The following TENM3 variants were observed in gnomAD, a reference collection of about 807,000 sequenced individuals.
The protein encoded by TENM3 is teneurin-3.
Under a neutral mutation model 255.1 loss-of-function variants are expected in TENM3, and 63 were observed. The ratio of observed to expected loss-of-function variants is 0.25; its 90% CI spans 0.20 to 0.30. TENM3 has a LOEUF of 0.30. Ranked by LOEUF, TENM3 falls within the 10% of genes least tolerant of loss-of-function variation. TENM3 has a pLI of 1.00. For missense variants in TENM3, 2,929 were observed against 3,461.1 expected (o/e 0.85, Z 3.86); for synonymous variants, 1,306 against 1,322.3 (o/e 0.99, Z 0.27).
chr4:182,551,377 T>C (rs1741994553), intron 3 of TENM3, among the ~76,000 whole-genome samples: 1 of 152,168 alleles, frequency 6.6e-6, no homozygotes. Flanking sequence ...TCCATGTTAA[T>C]AAACAGTTTT....
chr4:182,154,759 T>G (rs1339884070), intron 1 of TENM3, among the ~76,000 whole-genome samples: 1 of 152,138 alleles, frequency 6.6e-6, no homozygotes, highest in Non-Finnish European at 1.5e-5. Context: ...TAGTGACATA[T>G]AAAAATGAAG....
intron 1 of TENM3, among the ~76,000 whole-genome samples, chr4:182,214,707 A>G (rs898397920): frequency 2.0e-5 from 3 of 152,058 alleles, no homozygotes; most frequent in Non-Finnish European, 4.4e-5. Context: ...AAGTCTGGGT[A>G]ATTCTCTCCA....
the TENM3 span, among the ~76,000 whole-genome samples, chr4:181,455,471 C>G: frequency 1.8e-4 from 28 of 152,012 alleles, no homozygotes; most frequent in African/African-American, 6.8e-4. Flanking sequence ...ATGAACTCCT[C>G]TAAACACATA....
chr4:182,637,062 C>T (rs945809871), intron 5 of TENM3, among the ~76,000 whole-genome samples: 8 of 152,032 alleles, frequency 5.3e-5, no homozygotes, highest in Middle Eastern at 3.4e-3. Flanking sequence ...GTACTAACAG[C>T]GGCATATTCA....
At chr4:182,523,936 C>G (rs146983240) in intron 3 of TENM3, among the ~76,000 whole-genome samples, 208 of 152,224 alleles carry the variant, frequency 1.4e-3, no homozygotes, top group African/African-American at 4.8e-3. Context: ...TATTTACTTT[C>G]CTCATATGTA....
chr4:182,396,927 C>A (rs6847709), intron 3 of TENM3, among the ~76,000 whole-genome samples: 125,767 of 151,826 alleles, frequency 0.83, 52,106 homozygotes, highest in Admixed American at 0.87. Flanking sequence ...GCACCACTGC[C>A]CTCCAACCTA....
intron 3 of TENM3, among the ~76,000 whole-genome samples, chr4:182,564,581 G>T (rs200018952): frequency 2.8e-4 from 38 of 137,374 alleles, no homozygotes; most frequent in African/African-American, 7.0e-4. Flanking sequence ...TTTTTGTTTT[G>T]TTTTTTTTTT....
chr4:182,548,986 A>G (rs1232760829), intron 3 of TENM3, among the ~76,000 whole-genome samples: 1 of 152,256 alleles, frequency 6.6e-6, no homozygotes, highest in Non-Finnish European at 1.5e-5. Flanking sequence ...ACCAAATGGA[A>G]AACAGAGATG....
chr4:182,688,233 C>T lies in TENM3; in HGVS notation c.2103C>T (p.Gly701=), dbSNP rs1030988999. ...GGGGGACGTGTCGCTGTGAAGAAGG[C>T]TGGACGGGCCCAGCCTGTAATCAGA... ...CMGGTCRCEE[G]WTGPACNQRA... Residue 701 remains glycine, a synonymous_variant, in exon 12 of 28, where the codon GGC becomes GGT. Transcript: ENST00000511685. 1.9e-6 allele frequency: 3 copies of T among 1,613,924 alleles called. No homozygotes were observed. Among genetic ancestry groups the T allele is most frequent in the Non-Finnish European group, 2.5e-6 (3 of 1,179,862 alleles).
the TENM3 span, among the ~76,000 whole-genome samples, chr4:181,642,430 C>T: frequency 1.3e-5 from 2 of 152,200 alleles, no homozygotes; most frequent in East Asian, 3.9e-4. Flanking sequence ...TGCCTGTTCA[C>T]TCTGATGGTA....
the TENM3 span, among the ~76,000 whole-genome samples, chr4:182,027,458 CT>C: frequency 2.0e-5 from 3 of 151,648 alleles, no homozygotes; most frequent in South Asian, 2.1e-4. Flanking sequence ...TTTGAATGCC[CT>C]TTTTTTTCCT....
chr4:182,304,463 C>T (rs1235299138), intron 1 of TENM3, among the ~76,000 whole-genome samples: 2 of 152,126 alleles, frequency 1.3e-5, no homozygotes, highest in East Asian at 1.9e-4. Context: ...CCACCCGCCT[C>T]GGCCTCCCTA....
At chr4:182,797,761 G>T (rs1766600960) in intron 27 of TENM3, among the ~76,000 whole-genome samples, 1 of 152,042 alleles carries the variant, frequency 6.6e-6, no homozygotes, top group African/African-American at 2.4e-5. Context: ...TGATCATAAG[G>T]AGAAGACAGT....
Position 182,729,178 on chromosome 4 carries a change from A to G in TENM3, c.2582A>G (p.Lys861Arg). ...ATACCTGGAGAAAGTCCTTTCAATA[A>G]GAGGTTAATGCTTCTTTTCCATATG... Reference protein sequence around the residue: ...HVIPGESPFNKSLASVIRGQV... With the variant: ...HVIPGESPFNRSLASVIRGQV... The change falls in exon 14 of 28, where the codon AAG becomes AGG. Residue 861 changes from lysine to arginine, a missense_variant. Coordinates refer to ENST00000511685, the MANE Select transcript of TENM3 (RefSeq NM_001080477.4). 6.2e-7 allele frequency: 1 copy of G among 1,611,070 alleles called. No homozygotes were observed. Among genetic ancestry groups the G allele is most frequent in the Non-Finnish European group, 8.5e-7 (1 of 1,177,202 alleles).
intron 3 of TENM3, among the ~76,000 whole-genome samples, chr4:182,498,795 C>A (rs796348056): frequency 1.9e-4 from 29 of 151,766 alleles, no homozygotes; most frequent in African/African-American, 6.0e-4. Flanking sequence ...GCGGAGGTTG[C>A]AGTGAGTTGA....
chr4:182,573,177 A>G (rs747510318), intron 3 of TENM3, among the ~76,000 whole-genome samples: 8 of 152,196 alleles, frequency 5.3e-5, no homozygotes, highest in Non-Finnish European at 1.0e-4. Context: ...GCCAGACTCC[A>G]GAGGCGTCAC....
the TENM3 span, among the ~76,000 whole-genome samples, chr4:181,555,754 C>T: frequency 6.6e-6 from 1 of 152,260 alleles, no homozygotes; most frequent in Admixed American, 6.5e-5. Flanking sequence ...ATATCCTGTA[C>T]CTCTGGCCAG....
intron 13 of TENM3, among the ~76,000 whole-genome samples, chr4:182,716,552 G>A (rs1470995113): frequency 6.6e-6 from 1 of 152,192 alleles, no homozygotes; most frequent in Non-Finnish European, 1.5e-5. Flanking sequence ...AGGAATCTCA[G>A]TGCCAGCCTT....
At chr4:182,374,110 C>G (rs1170149862) in intron 3 of TENM3, among the ~76,000 whole-genome samples, 1 of 152,144 alleles carries the variant, frequency 6.6e-6, no homozygotes, top group African/African-American at 2.4e-5. Context: ...CACGTCTTTA[C>G]TCACATGCTT....
Sources: gnomAD v4.1 joint callset for allele counts (sites outside exome capture counted in the v4.1 genomes callset) on GRCh38, gnomAD v4.1.1 for gene constraint, MANE v1.5 for transcripts, NCBI Gene and HGNC (gene_info 2026-07-23, HGNC 2026-07-21) for gene names.